The following GALNT14 variants were observed in gnomAD, a reference collection of about 807,000 sequenced individuals.
GALNT14 encodes the protein polypeptide N-acetylgalactosaminyltransferase 14.
GALNT14 carries 60 observed loss-of-function variants against 77.5 expected under a neutral mutation model. The ratio of observed to expected loss-of-function variants is 0.77; its 90% CI spans 0.63 to 0.96. GALNT14 has a LOEUF of 0.96. GALNT14 is among the 40% of genes least tolerant of loss of function. The probability of loss-of-function intolerance (pLI) is 0.00; values close to 1 mark genes in which losing one functional copy is unlikely to be tolerated. For synonymous variants in GALNT14, 280 were observed against 281.7 expected (o/e 0.99, Z 0.06); for missense variants, 710 against 731.0 (o/e 0.97, Z 0.33).
downstream of GALNT14, among the ~76,000 whole-genome samples, chr2:30,906,984 C>A (rs548245879): frequency 5.3e-4 from 80 of 152,024 alleles, no homozygotes; most frequent in African/African-American, 1.8e-3. Flanking sequence ...AAATGAAGGC[C>A]GAAATAAAGA....
chr2:30,992,759 A>T (rs1669783386), intron 2 of GALNT14, 79 bp downstream of exon 2: 2 of 1,494,284 alleles, frequency 1.3e-6, no homozygotes, highest in Admixed American at 1.7e-5. Flanking sequence ...CTGGTGCTGC[A>T]TACAGCAGGC....
chr2:31,127,657 T>C (rs976855908), intron 1 of GALNT14, among the ~76,000 whole-genome samples: 1 of 152,142 alleles, frequency 6.6e-6, no homozygotes, highest in Admixed American at 6.5e-5. Flanking sequence ...TATGTAGGAG[T>C]TGAATTGCAG....
At chr2:31,002,302 C>T (rs114449060) in intron 1 of GALNT14, among the ~76,000 whole-genome samples, 12,859 of 151,932 alleles carry the variant, frequency 0.085, 687 homozygotes, top group East Asian at 0.26. Context: ...TGGTGATGTG[C>T]GCCCGTGGTC....
In GALNT14 at chr2:30,946,421, T is replaced by C. The variant is rs181959900; in HGVS notation, c.655-551A>G. On this transcript the variant is annotated intron_variant, in intron 6 of 14. Coordinates refer to ENST00000349752, the MANE Select transcript of GALNT14 (RefSeq NM_024572.4). ...TCTGGTGATAGCGAGTATGTTCTTCTTGTGAGATCTGGTTGTTTAAAAGTG... is the reference window on the plus strand; with the variant it reads ...TCTGGTGATAGCGAGTATGTTCTTCCTGTGAGATCTGGTTGTTTAAAAGTG... Among the ~76,000 whole-genome samples, 40 of 152,274 alleles carry C rather than the reference T, an allele frequency of 2.6e-4. No homozygotes were observed. The East Asian group carries it at 7.3e-3, about 28-fold the overall frequency.
At chr2:30,918,671 AG>A (rs1419026669) in intron 13 of GALNT14, among the ~76,000 whole-genome samples, 2 of 98,128 alleles carry the variant, frequency 2.0e-5, no homozygotes, top group Non-Finnish European at 4.3e-5. Flanking sequence ...TCGGGCAGGG[AG>A]GGTGGCATCA....
chr2:31,038,675 C>A (rs1250526278), intron 1 of GALNT14, among the ~76,000 whole-genome samples: 2 of 151,736 alleles, frequency 1.3e-5, no homozygotes, highest in Non-Finnish European at 2.9e-5. Context: ...TACTGCAGAG[C>A]TGAGGAGAGG....
intron 6 of GALNT14, among the ~76,000 whole-genome samples, chr2:30,949,004 T>C (rs1666868437): frequency 6.6e-6 from 1 of 152,194 alleles, no homozygotes; most frequent in Non-Finnish European, 1.5e-5. Context: ...TGTCCTTCTA[T>C]TATTCCTGTC....
rs980181037 is a variant in GALNT14 at position 30,944,962 on chromosome 2, C to T, written c.743-20G>A. 2 of 1,583,096 alleles carry T rather than the reference C, an allele frequency of 1.3e-6. No homozygotes were observed. The highest frequency in any genetic ancestry group is 1.7e-6 in the Non-Finnish European group (2 of 1,161,148). On this transcript the variant is annotated intron_variant, in intron 7 of 14. Coordinates refer to ENST00000349752, the MANE Select transcript of GALNT14 (RefSeq NM_024572.4). ...CAAACCCTACAACACAGCACCAACC[C>T]ACCTGCTTTGGTCTCTCAAAAGCAC...
At chr2:30,918,294 C>T (rs1664809290) in intron 13 of GALNT14, among the ~76,000 whole-genome samples, 1 of 152,196 alleles carries the variant, frequency 6.6e-6, no homozygotes, top group Non-Finnish European at 1.5e-5. Context: ...GCTAGAATCC[C>T]CACAGAGCTG....
the GALNT14 span, among the ~76,000 whole-genome samples, chr2:30,894,762 G>C: frequency 6.6e-6 from 1 of 152,206 alleles, no homozygotes; most frequent in African/African-American, 2.4e-5. Flanking sequence ...TGCAGGGGAG[G>C]GTGGTGAGTG....
At chr2:30,901,559 T>A in the GALNT14 span, among the ~76,000 whole-genome samples, 1 of 151,680 alleles carries the variant, frequency 6.6e-6, no homozygotes, top group Non-Finnish European at 1.5e-5. Context: ...AGTATGTATA[T>A]GCTCATATAT....
At chr2:30,992,580 C>A (rs146756498) in intron 2 of GALNT14, among the ~76,000 whole-genome samples, 213 of 152,278 alleles carry the variant, frequency 1.4e-3, no homozygotes, top group African/African-American at 4.6e-3. Context: ...AGGTGAGGAG[C>A]AGGTTAAAGT....
chr2:30,924,074 C>G, intron 13 of GALNT14, 45 bp downstream of exon 13: 1 of 1,611,932 alleles, frequency 6.2e-7, no homozygotes, highest in South Asian at 1.1e-5. Flanking sequence ...GGCTGCCTCC[C>G]TCTACTGTGA....
intron 1 of GALNT14, among the ~76,000 whole-genome samples, chr2:31,051,001 A>C (rs1036625024): frequency 6.6e-6 from 1 of 152,134 alleles, no homozygotes; most frequent in Non-Finnish European, 1.5e-5. Context: ...AATCAGGCCA[A>C]GAGATGCTGC....
intron 1 of GALNT14, among the ~76,000 whole-genome samples, chr2:31,011,899 G>A (rs61036023): frequency 0.061 from 9,223 of 152,116 alleles, 897 homozygotes; most frequent in African/African-American, 0.2. Flanking sequence ...CTGCCATAAC[G>A]CTCAGCCGGG....
chr2:31,057,797 G>A (rs1025530682), intron 1 of GALNT14, among the ~76,000 whole-genome samples: 1 of 152,164 alleles, frequency 6.6e-6, no homozygotes, highest in Middle Eastern at 3.4e-3. Flanking sequence ...ACCCCGCCCT[G>A]AGCCTGGGAA....
At chr2:31,034,055 A>C (rs2148485185) in intron 1 of GALNT14, among the ~76,000 whole-genome samples, 1 of 152,360 alleles carries the variant, frequency 6.6e-6, no homozygotes, top group Admixed American at 6.5e-5. Context: ...AGGGGACACA[A>C]GGCTCAGAGA....
At chr2:30,913,205 C>T (rs1453368282) in intron 13 of GALNT14, among the ~76,000 whole-genome samples, 1 of 152,098 alleles carries the variant, frequency 6.6e-6, no homozygotes, top group African/African-American at 2.4e-5. Flanking sequence ...GTTTTCTCCC[C>T]CAGGTTGTAA....
rs529653696 is a variant in GALNT14 at position 30,917,076 on chromosome 2, CAAAAAA to C, written c.1381-4740_1381-4735del. Among the ~76,000 whole-genome samples, 135 of 19,890 alleles carry C rather than the reference CAAAAAA, an allele frequency of 6.8e-3. 2 individuals are homozygous for C. The highest frequency in any genetic ancestry group is 8.6e-3 in the Non-Finnish European group (93 of 10,798). 13.0% of individuals were successfully genotyped at this position (19,890 alleles called of 152,430 possible). ...TGGGCAAAAGAGTAAGACTCCGTCT[CAAAAAA>C]AAAAAAAAAAAAAAAAAAAAAAAGA... On this transcript the variant is annotated intron_variant, in intron 13 of 14. Transcript: ENST00000349752.
Sources: allele counts gnomAD v4.1 joint callset (sites outside exome capture counted in the v4.1 genomes callset), GRCh38; gene constraint gnomAD v4.1.1; transcripts MANE v1.5; gene names NCBI Gene and HGNC (gene_info 2026-07-23, HGNC 2026-07-21).